CACNA2D3: variants seen among roughly 807,000 people sequenced by gnomAD.
CACNA2D3 encodes the protein voltage-dependent calcium channel subunit alpha-2/delta-3.
A neutral mutation model predicts 160.6 loss-of-function variants in CACNA2D3; 60 were observed. That is an observed-to-expected ratio of 0.37 (90% confidence interval 0.30 to 0.46). The LOEUF (loss-of-function observed/expected upper bound fraction) is 0.46, where lower values mean the gene tolerates loss of function less well. Ranked by LOEUF, CACNA2D3 falls within the 20% of genes least tolerant of loss-of-function variation. The pLI, the probability that CACNA2D3 is intolerant of heterozygous loss-of-function variation, is 1.00. For missense variants in CACNA2D3, 1,205 were observed against 1,365.0 expected, an observed-to-expected ratio of 0.88 and a Z score of 1.85; for synonymous variants, 558 against 492.9, an observed-to-expected ratio of 1.13 and a Z score of -1.75.
chr3:54,773,303 G>C (rs1702354004), intron 13 of CACNA2D3, among the ~76,000 whole-genome samples: 1 of 152,208 alleles, frequency 6.6e-6, no homozygotes, highest in Non-Finnish European at 1.5e-5. Flanking sequence ...TGGGGTCAAA[G>C]CCATCCTAAG....
At chr3:55,051,500 C>G (rs1704213107) in intron 35 of CACNA2D3, among the ~76,000 whole-genome samples, 2 of 151,944 alleles carry the variant, frequency 1.3e-5, no homozygotes, top group Admixed American at 1.3e-4. Flanking sequence ...AACCACTGCT[C>G]TCTTCAAAGC....
In CACNA2D3 at chr3:54,562,909, G is replaced by A. The variant is rs753187251; in HGVS notation, c.654G>A (p.Lys218=). 1 of 1,613,752 alleles carries A rather than the reference G, an allele frequency of 6.2e-7. No individual in the cohort carries two copies. Among genetic ancestry groups the A allele is most frequent in the Non-Finnish European group, 8.5e-7 (1 of 1,179,738 alleles). Residue 218 remains lysine, a synonymous_variant, in exon 6 of 38, where the codon AAG becomes AAA. Coordinates refer to ENST00000474759, the MANE Select transcript of CACNA2D3 (RefSeq NM_018398.3). The part of the protein sequence containing the change: ...SLIWQYFGSA[K]GFFRQYPGIK... ...TATGGCAGTACTTTGGAAGTGCAAA[G>A]GGCTTTTTTAGGCAGTATCCGGGTG...
chr3:55,066,294 G>C (rs923138751), intron 35 of CACNA2D3, among the ~76,000 whole-genome samples: 1 of 152,110 alleles, frequency 6.6e-6, no homozygotes, highest in Non-Finnish European at 1.5e-5. Context: ...TTTATCTTTG[G>C]ATAAAATCTG....
At chr3:54,917,721 C>A (rs1352154198) in intron 27 of CACNA2D3, among the ~76,000 whole-genome samples, 1 of 152,190 alleles carries the variant, frequency 6.6e-6, no homozygotes, top group South Asian at 2.1e-4. Context: ...GCCCCAAATT[C>A]TGGCTCCCCA....
At chr3:54,841,706 C>G (rs1416519103) in intron 16 of CACNA2D3, among the ~76,000 whole-genome samples, 1 of 152,210 alleles carries the variant, frequency 6.6e-6, no homozygotes, top group Admixed American at 6.5e-5. Flanking sequence ...AATCAGACTT[C>G]CTGTAATTTT....
intron 5 of CACNA2D3, among the ~76,000 whole-genome samples, chr3:54,506,491 C>T (rs1701373352): frequency 6.6e-6 from 1 of 152,174 alleles, no homozygotes; most frequent in African/African-American, 2.4e-5. Context: ...TTTCTACAAT[C>T]TGCTTTCTGC....
chr3:54,376,570 C>T (rs56305012), intron 3 of CACNA2D3, among the ~76,000 whole-genome samples: 13,398 of 152,118 alleles, frequency 0.088, 842 homozygotes, highest in Non-Finnish European at 0.12. Context: ...CTTGTGTGGC[C>T]CTCCTATTGT....
intron 11 of CACNA2D3, among the ~76,000 whole-genome samples, chr3:54,718,420 A>T (rs1177740391): frequency 6.6e-6 from 1 of 151,944 alleles, no homozygotes; most frequent in Non-Finnish European, 1.5e-5. Flanking sequence ...ATTATGGCTT[A>T]TTTTTCTCCA....
At chr3:54,210,313 A>T (rs752211720) in intron 2 of CACNA2D3, among the ~76,000 whole-genome samples, 2 of 152,104 alleles carry the variant, frequency 1.3e-5, no homozygotes, top group Non-Finnish European at 2.9e-5. Context: ...TTTAAGAAAA[A>T]CTGTCCAGTA....
At chr3:54,321,318 T>G (rs1331594432) in intron 3 of CACNA2D3, among the ~76,000 whole-genome samples, 2 of 75,364 alleles carry the variant, frequency 2.7e-5, no homozygotes, top group African/African-American at 8.7e-5. Flanking sequence ...AGACTCCGGC[T>G]CAAAAAAAAA....
chr3:54,142,076 C>T (rs1273804172), intron 2 of CACNA2D3, among the ~76,000 whole-genome samples: 15 of 152,250 alleles, frequency 9.9e-5, no homozygotes, highest in Admixed American at 9.2e-4. Flanking sequence ...GGAGGCTTGC[C>T]AAGGCATGAT....
At chr3:54,649,150 CT>C (rs1214353296) in intron 11 of CACNA2D3, among the ~76,000 whole-genome samples, 17 of 152,196 alleles carry the variant, frequency 1.1e-4, no homozygotes, top group Admixed American at 1.1e-3. Context: ...GCCCTTTCTC[CT>C]TTTCCCTCTC....
intron 2 of CACNA2D3, among the ~76,000 whole-genome samples, chr3:54,235,885 A>G (rs964146458): frequency 1.1e-4 from 17 of 152,196 alleles, no homozygotes; most frequent in Non-Finnish European, 2.4e-4. Flanking sequence ...AGAGTACAGC[A>G]TGGAAAGGAA....
At chr3:54,152,652 T>A (rs1700172934) in intron 2 of CACNA2D3, among the ~76,000 whole-genome samples, 1 of 152,226 alleles carries the variant, frequency 6.6e-6, no homozygotes, top group South Asian at 2.1e-4. Context: ...AACCACAGAA[T>A]GCAATTGTCC....
intron 3 of CACNA2D3, among the ~76,000 whole-genome samples, chr3:54,338,915 T>C (rs1397998719): frequency 6.6e-6 from 1 of 152,178 alleles, no homozygotes; most frequent in Admixed American, 6.5e-5. Flanking sequence ...CCACAGCAGC[T>C]ATTAGCAGCA....
chr3:54,948,962 T>C (rs1481858206), intron 27 of CACNA2D3, among the ~76,000 whole-genome samples: 5 of 152,226 alleles, frequency 3.3e-5, no homozygotes, highest in South Asian at 2.1e-4. Context: ...TCCATAGTTA[T>C]AACCAGCTTC....
chr3:54,488,117 T>C (rs1376174351), intron 4 of CACNA2D3, among the ~76,000 whole-genome samples: 1 of 152,200 alleles, frequency 6.6e-6, no homozygotes, highest in African/African-American at 2.4e-5. Flanking sequence ...CTTTGTCTAT[T>C]TGAAGATCCA....
At chr3:54,464,365 C>T (rs1700571181) in intron 4 of CACNA2D3, among the ~76,000 whole-genome samples, 1 of 152,198 alleles carries the variant, frequency 6.6e-6, no homozygotes, top group African/African-American at 2.4e-5. Context: ...TGTCTGTGCC[C>T]TGCCCCCAGA....
At chr3:54,994,620 T>C (rs1322392843) in intron 31 of CACNA2D3, among the ~76,000 whole-genome samples, 1 of 152,220 alleles carries the variant, frequency 6.6e-6, no homozygotes, top group Admixed American at 6.5e-5. Flanking sequence ...GCAGTCTGTC[T>C]CACTTATTAA....
Sources: gnomAD v4.1 joint callset for allele counts (sites outside exome capture counted in the v4.1 genomes callset) on GRCh38, gnomAD v4.1.1 for gene constraint, MANE v1.5 for transcripts, NCBI Gene and HGNC (gene_info 2026-07-23, HGNC 2026-07-21) for gene names.